The following GLDN variants were observed in gnomAD, a reference collection of about 807,000 sequenced individuals.
The protein encoded by GLDN is collomin.
A neutral mutation model predicts 56.5 loss-of-function variants in GLDN; 47 were observed. That is an observed-to-expected ratio of 0.83 (90% CI 0.66 to 1.06). The LOEUF (loss-of-function observed/expected upper bound fraction) is 1.06. Ranked by LOEUF, GLDN falls within the 50% of genes least tolerant of loss-of-function variation. GLDN has a pLI of 0.00. For synonymous variants in GLDN, 332 were observed against 278.8 expected, an observed-to-expected ratio of 1.19 and a Z score of -1.90; for missense variants, 782 against 714.3, an observed-to-expected ratio of 1.09 and a Z score of -1.08.
intron 6 of GLDN, among the ~76,000 whole-genome samples, chr15:51,398,518 G>A (rs59661555): frequency 0.01 from 1,573 of 152,328 alleles, 25 homozygotes; most frequent in African/African-American, 0.036. Context: ...GATCCTCACT[G>A]GAATTTCTCA....
At chr15:51,380,322 C>G (rs1285656466) in intron 2 of GLDN, among the ~76,000 whole-genome samples, 1 of 152,210 alleles carries the variant, frequency 6.6e-6, no homozygotes, top group Non-Finnish European at 1.5e-5. Flanking sequence ...GTGGTAGGCC[C>G]AGGACACCAG....
At chr15:51,380,698 T>G (rs2037739317) in intron 2 of GLDN, among the ~76,000 whole-genome samples, 1 of 152,234 alleles carries the variant, frequency 6.6e-6, no homozygotes, top group Non-Finnish European at 1.5e-5. Flanking sequence ...CTCCTCCAAG[T>G]GTCTTCTGAC....
At chr15:51,344,141 A>G (rs1037451723) in intron 1 of GLDN, among the ~76,000 whole-genome samples, 2 of 152,226 alleles carry the variant, frequency 1.3e-5, no homozygotes, top group East Asian at 3.8e-4. Flanking sequence ...CATTTTGAGT[A>G]GTAAGGTTGC....
At chr15:51,366,247 T>C (rs1174049515) in intron 1 of GLDN, among the ~76,000 whole-genome samples, 2 of 152,222 alleles carry the variant, frequency 1.3e-5, no homozygotes, top group African/African-American at 4.8e-5. Flanking sequence ...TCAGGATTTC[T>C]GGTTCTGGAA....
At chr15:51,399,119 A>G (rs2038195706) in intron 6 of GLDN, among the ~76,000 whole-genome samples, 1 of 152,182 alleles carries the variant, frequency 6.6e-6, no homozygotes, top group African/African-American at 2.4e-5. Flanking sequence ...CCCTAAGTGG[A>G]AACCCCAGTT....
intron 5 of GLDN, among the ~76,000 whole-genome samples, chr15:51,395,414 A>C (rs1196141225): frequency 1.3e-5 from 2 of 152,156 alleles, no homozygotes; most frequent in African/African-American, 4.8e-5. Context: ...AATTGGGGCA[A>C]AATATTGTTG....
At chr15:51,392,745 G>A (rs2038049842) in intron 4 of GLDN, among the ~76,000 whole-genome samples, 1 of 141,118 alleles carries the variant, frequency 7.1e-6, no homozygotes, top group African/African-American at 2.9e-5. Flanking sequence ...TCCATATCTG[G>A]CAATAGCTTT....
At position 51,401,594 on chromosome 15, in the gene GLDN, C is replaced by A. The variant is rs754864510; in HGVS notation, c.1029C>A (p.Gly343=). ...CTCTCCCTGGCTTCCCTCCTACAGG[C>A]ATCATGGTTAAGGAATTCAAGGATC... is the stretch of plus-strand genomic sequence containing the variant. ...DRIWVTEHFS[G]IMVKEFKDQP... The change falls in exon 9 of 10, where the codon GGC becomes GGA. Residue 343 remains glycine (G), a splice_region_variant and synonymous_variant. Coordinates refer to ENST00000335449, the MANE Select transcript of GLDN (RefSeq NM_181789.4). 6.2e-7 allele frequency: 1 copy of A among 1,612,536 alleles called. No individual in the cohort carries two copies. Among genetic ancestry groups the A allele is most frequent in the Non-Finnish European group, 8.5e-7 (1 of 1,179,158 alleles).
intron 1 of GLDN, among the ~76,000 whole-genome samples, chr15:51,364,336 C>G (rs1333353763): frequency 2.0e-5 from 3 of 152,182 alleles, no homozygotes; most frequent in Non-Finnish European, 4.4e-5. Context: ...AACCTTTCAT[C>G]TGCAATGTCT....
chr15:51,367,210 G>GA (rs1234564207), intron 1 of GLDN, among the ~76,000 whole-genome samples: 2 of 152,196 alleles, frequency 1.3e-5, no homozygotes, highest in African/African-American at 2.4e-5. Flanking sequence ...CCTGGTGGGG[G>GA]AAATCCTCCT....
chr15:51,368,132 A>T (rs556356632), intron 1 of GLDN, among the ~76,000 whole-genome samples: 2 of 152,352 alleles, frequency 1.3e-5, no homozygotes, highest in East Asian at 3.9e-4. Flanking sequence ...TGGGGAGCAC[A>T]TTCCCTTCCC....
Position 51,353,734 on chromosome 15 carries a change from A to AAAAAAAAAAAAAAAAAC in GLDN, c.363+11687_363+11688insAAAAAAAAAAAAAAAAC, listed in dbSNP as rs60404846. ...TTGATTAAAAAAAAAAAAAAAAAAA[A>AAAAAAAAAAAAAAAAAC]CCACAGTCAATTAAAAAAAAAAAAA... On this transcript the variant is annotated intron_variant, in intron 1 of 9. Transcript: ENST00000335449. Among the ~76,000 whole-genome samples the AAAAAAAAAAAAAAAAAC allele has an allele frequency of 9.9e-4, 128 of 128,862 alleles. 2 individuals carry two copies. Among genetic ancestry groups the AAAAAAAAAAAAAAAAAC allele is most frequent in the Non-Finnish European group, 1.4e-3 (87 of 61,772 alleles). 84.5% of individuals were successfully genotyped at this position (128,862 alleles called of 152,430 possible).
intron 1 of GLDN, among the ~76,000 whole-genome samples, chr15:51,362,602 T>C (rs1433070408): frequency 2.0e-5 from 3 of 151,894 alleles, no homozygotes; most frequent in Admixed American, 6.6e-5. Flanking sequence ...GTAAGGACAT[T>C]GGCTTTTATG....
rs775734077 is a variant in GLDN at position 51,401,826 on chromosome 15, C to T, written c.1178+83C>T. ...TTTTGTGAGCAATTAGGGGTAGGGA[C>T]TGTGTTTTCATCATCTTTGTGTCCC... is the stretch of plus-strand genomic sequence containing the variant. On this transcript the variant is annotated intron_variant, in intron 9 of 9. Transcript: ENST00000335449. 297 of 1,284,138 alleles carry T rather than the reference C, an allele frequency of 2.3e-4. 1 individual carries two copies. Among genetic ancestry groups the T allele is most frequent in the Middle Eastern group, 2.1e-3 (9 of 4,228 alleles). The allele number at this position is 1,284,138 out of a possible 1,614,324, so 79.5% of individuals were successfully genotyped here.
intron 1 of GLDN, among the ~76,000 whole-genome samples, chr15:51,355,525 CTTTT>C (rs147021073): frequency 7.9e-6 from 1 of 126,434 alleles, no homozygotes; most frequent in Non-Finnish European, 1.7e-5. Context: ...TTCTTTCTTT[CTTTT>C]TTTTTTTTTT....
intron 2 of GLDN, among the ~76,000 whole-genome samples, chr15:51,382,514 G>A (rs765427717): frequency 5.3e-5 from 8 of 151,796 alleles, no homozygotes; most frequent in Admixed American, 4.6e-4. Flanking sequence ...TCAGGAGATC[G>A]AGGCTATCTT....
chr15:51,388,344 A>C (rs535807716), intron 4 of GLDN, among the ~76,000 whole-genome samples: 2 of 152,254 alleles, frequency 1.3e-5, no homozygotes, highest in African/African-American at 4.8e-5. Context: ...TATTGCGCTA[A>C]TGGTGTGACC....
downstream of GLDN, among the ~76,000 whole-genome samples, chr15:51,411,731 A>C (rs2038467180): frequency 6.6e-6 from 1 of 152,222 alleles, no homozygotes; most frequent in Non-Finnish European, 1.5e-5. Flanking sequence ...TTTTGTTCTC[A>C]AACTTTTGAC....
At chr15:51,389,131 C>A (rs1391744860) in intron 4 of GLDN, among the ~76,000 whole-genome samples, 1 of 152,222 alleles carries the variant, frequency 6.6e-6, no homozygotes, top group Non-Finnish European at 1.5e-5. Flanking sequence ...CAAGATGAGG[C>A]CTTGACCTCC....
Sources: gnomAD v4.1 joint callset for allele counts (sites outside exome capture counted in the v4.1 genomes callset) on GRCh38, gnomAD v4.1.1 for gene constraint, MANE v1.5 for transcripts, NCBI Gene and HGNC (gene_info 2026-07-23, HGNC 2026-07-21) for gene names.